The following CD1D variants were observed in gnomAD, a reference collection of about 807,000 sequenced individuals.
CD1D encodes antigen-presenting glycoprotein CD1d.
A neutral mutation model predicts 42.1 loss-of-function variants in CD1D; 40 were observed. The observed-to-expected ratio is 0.95, with a 90% CI of 0.74 to 1.24. CD1D has a LOEUF of 1.24. Among genes scored for constraint, CD1D ranks in the 50% most tolerant of loss-of-function variants. CD1D has a pLI of 0.00. For missense variants in CD1D, 437 were observed against 416.5 expected, an observed-to-expected ratio of 1.05 and a Z score of -0.43; for synonymous variants, 178 against 171.8, an observed-to-expected ratio of 1.04 and a Z score of -0.28.
In CD1D at chr1:158,181,507, T is replaced by C; in HGVS notation, c.114T>C (p.Asn38=). 1.2e-6 allele frequency: 2 copies of C among 1,614,066 alleles called. No homozygotes were observed. The highest frequency in any genetic ancestry group is 1.3e-5 in the African/African-American group (1 of 75,014). ...GCCTCCAGATCTCGTCCTTCGCCAA[T>C]AGCAGCTGGACGCGCACCGACGGCT... is the stretch of plus-strand genomic sequence containing the variant. ...LRCLQISSFA[N]SSWTRTDGLA... is the part of the protein sequence containing the mutation. The change falls in exon 2 of 6, where the codon AAT becomes AAC. Residue 38 remains asparagine (N), a synonymous_variant. Transcript: ENST00000674085.
Position 158,181,352 on chromosome 1 carries a change from C to CG in CD1D, c.62-102dup. Reference sequence around the variant, plus strand: ...CGGCACAGAGTTCGCTGGCATCAGCCGCCTCCTGAAGCTCATCTCCTCTTG... The same window carrying CG: ...CGGCACAGAGTTCGCTGGCATCAGCCGGCCTCCTGAAGCTCATCTCCTCTTG... On this transcript the variant is annotated intron_variant, in intron 1 of 5. Coordinates refer to ENST00000674085, the MANE Select transcript of CD1D (RefSeq NM_001371762.2). The CG allele has an allele frequency of 3.3e-6, 5 of 1,511,108 alleles. No homozygotes were observed. The South Asian group carries it at 6.2e-5, about 19-fold the overall frequency. 93.6% of individuals were successfully genotyped at this position (1,511,108 alleles called of 1,614,324 possible).
intron 4 of CD1D, 94 bp from the exon 5 acceptor site, chr1:158,183,842 C>T: frequency 1.1e-6 from 1 of 909,142 alleles, no homozygotes; most frequent in Non-Finnish European, 1.8e-6. Flanking sequence ...AAATAAGAAG[C>T]ACCTGGTACC....
Position 158,184,852 on chromosome 1 carries a change from C to T in CD1D, c.*702C>T, listed in dbSNP as rs961736364. Reference sequence around the variant, plus strand: ...GTTAGGTTATAAGAAACAGAGGCGTCTCACATTTTTACTTGGTGTAATTAA... The same window carrying T: ...GTTAGGTTATAAGAAACAGAGGCGTTTCACATTTTTACTTGGTGTAATTAA... On this transcript the variant is annotated 3_prime_UTR_variant, in exon 6 of 6. Coordinates refer to ENST00000674085, the MANE Select transcript of CD1D (RefSeq NM_001371762.2). 7.2e-5 allele frequency: 11 copies of T among 152,152 alleles called. No homozygotes were observed. The highest frequency in any genetic ancestry group is 2.4e-4 in the African/African-American group (10 of 41,422). 9.4% of individuals were successfully genotyped at this position (152,152 alleles called of 1,614,324 possible).
In CD1D at chr1:158,184,229, C is replaced by A; in HGVS notation, c.*79C>A. On this transcript the variant is annotated 3_prime_UTR_variant, in exon 6 of 6. Transcript: ENST00000674085. ...CCTAAGACTTCAGTCCTGGTCTGCTCAGGAATTGAAGATGTAAGGAATTGA... is the reference window on the plus strand; with the variant it reads ...CCTAAGACTTCAGTCCTGGTCTGCTAAGGAATTGAAGATGTAAGGAATTGA... 1 of 1,429,676 alleles carries A rather than the reference C, an allele frequency of 7.0e-7. No individual in the cohort carries two copies. Among genetic ancestry groups the A allele is most frequent in the Non-Finnish European group, 9.8e-7 (1 of 1,018,400 alleles). 88.6% of individuals were successfully genotyped at this position (1,429,676 alleles called of 1,614,324 possible).
At chr1:158,180,792 G>A, upstream of CD1D, 1 of 354,620 alleles carries the variant, frequency 2.8e-6, no homozygotes, top group East Asian at 4.3e-5. Flanking sequence ...CGTCCCACAC[G>A]TTGACCCAAA....
In CD1D at chr1:158,181,095, G is replaced by A. The variant is rs1158321507; in HGVS notation, c.-7G>A. 6.5e-7 allele frequency: 1 copy of A among 1,545,342 alleles called. No individual in the cohort carries two copies. Among genetic ancestry groups the A allele is most frequent in the Non-Finnish European group, 8.7e-7 (1 of 1,144,590 alleles). The stretch of plus-strand genomic sequence containing the variant: ...CGGCGCTCCGCGAGGTCCCCACGCC[G>A]GGCGATATGGGGTGCCTGCTGTTTC... On this transcript the variant is annotated 5_prime_UTR_variant, in exon 1 of 6. Coordinates refer to ENST00000674085, the MANE Select transcript of CD1D (RefSeq NM_001371762.2).
chr1:158,182,767 C>T (rs1648504964), intron 3 of CD1D, 111 bp from the exon 4 acceptor site: 2 of 1,264,322 alleles, frequency 1.6e-6, no homozygotes, highest in Non-Finnish European at 1.1e-6. Flanking sequence ...CAGGGGCATA[C>T]AGGAAGGAGG....
Position 158,182,168 on chromosome 1 carries a change from C to T in CD1D, c.465C>T (p.Ala155=). ...CTTCTTGGGAGCCAACCCAAGAGGC[C>T]CCACTTTGGGTAAACTTGGCCATTC... ...QGTSWEPTQE[A]PLWVNLAIQV... Residue 155 remains alanine (A), a synonymous_variant, in exon 3 of 6, where the codon GCC becomes GCT. Transcript: ENST00000674085. 1.2e-6 allele frequency: 2 copies of T among 1,614,086 alleles called. No individual in the cohort carries two copies. Among genetic ancestry groups the T allele is most frequent in the Non-Finnish European group, 1.7e-6 (2 of 1,180,004 alleles).
chr1:158,178,793 T>A (rs1648263180), upstream of CD1D, among the ~76,000 whole-genome samples: 1 of 152,162 alleles, frequency 6.6e-6, no homozygotes, highest in Non-Finnish European at 1.5e-5. Flanking sequence ...GTATTCTGAG[T>A]CAGTCTTGTT....
At chr1:158,182,401 AG>A (rs761644719) in intron 3 of CD1D, 91 bp downstream of exon 3, 2 of 1,449,480 alleles carry the variant, frequency 1.4e-6, no homozygotes, top group Admixed American at 3.4e-5. Flanking sequence ...GAGCATTCAA[AG>A]AAGAGGAAGG....
intron 3 of CD1D, 56 bp from the exon 4 acceptor site, chr1:158,182,822 G>A: frequency 3.3e-6 from 5 of 1,532,916 alleles, no homozygotes; most frequent in Admixed American, 4.0e-5. Flanking sequence ...GAGGCCTGGA[G>A]CCTCTAATGC....
At chr1:158,182,491 A>G (rs1395948849) in intron 3 of CD1D, 181 bp downstream of exon 3, 1 of 673,426 alleles carries the variant, frequency 1.5e-6, no homozygotes, top group African/African-American at 1.8e-5. Context: ...GGTTCTATGA[A>G]TTCAATTAAT....
At position 158,181,118 on chromosome 1, in the gene CD1D, T is replaced by G; in HGVS notation, c.17T>G (p.Phe6Cys). The change falls in exon 1 of 6, where the codon TTT (phenylalanine) becomes TGT (cysteine). Residue 6 changes from phenylalanine to cysteine, a missense_variant. Phe to Cys is a radical substitution (Grantham distance 205). Transcript: ENST00000674085. The stretch of plus-strand genomic sequence containing the variant: ...CCGGGCGATATGGGGTGCCTGCTGT[T>G]TCTGCTGCTCTGGGCGCTCCTCCAG... MGCLL[F>C]LLLWALLQAW... 1 of 1,548,298 alleles carries G rather than the reference T, an allele frequency of 6.5e-7. No homozygotes were observed. The highest frequency in any genetic ancestry group is 8.7e-7 in the Non-Finnish European group (1 of 1,146,090).
At chr1:158,180,661 C>T (rs1648348401), upstream of CD1D, among the ~76,000 whole-genome samples, 1 of 152,232 alleles carries the variant, frequency 6.6e-6, no homozygotes, top group Non-Finnish European at 1.5e-5. Context: ...CACCTAGAGA[C>T]ATGTACTGCT....
upstream of CD1D, chr1:158,180,823 T>C (rs1648354931): frequency 2.6e-6 from 1 of 386,022 alleles, no homozygotes; most frequent in South Asian, 1.1e-4. Context: ...AAACAGGAAA[T>C]TGAGACACGC....
Position 158,184,376 on chromosome 1 carries a change from G to T in CD1D, c.*226G>T. ...CAAAAATTACACTACAAGTTTATAA[G>T]CCCAAATGGCTCTGTGAAATCAGAA... On this transcript the variant is annotated 3_prime_UTR_variant, in exon 6 of 6. Transcript: ENST00000674085. 1 of 587,024 alleles carries T rather than the reference G, an allele frequency of 1.7e-6. No homozygotes were observed. Among genetic ancestry groups the T allele is most frequent in the South Asian group, 2.1e-5 (1 of 48,066 alleles). 36.4% of individuals were successfully genotyped at this position (587,024 alleles called of 1,614,324 possible).
In CD1D at chr1:158,184,282, G is replaced by C. The variant is rs552893440; in HGVS notation, c.*132G>C. The stretch of plus-strand genomic sequence containing the variant: ...ATAGGAGAGATACCTTGAAAAAGTA[G>C]AGAACAGTCATGAGGCAGCTTTCAT... On this transcript the variant is annotated 3_prime_UTR_variant, in exon 6 of 6. Coordinates refer to ENST00000674085, the MANE Select transcript of CD1D (RefSeq NM_001371762.2). 5.7e-6 allele frequency: 5 copies of C among 877,078 alleles called. No homozygotes were observed. The South Asian group carries it at 7.6e-5, about 13-fold the overall frequency. The allele number at this position is 877,078 out of a possible 1,614,324, so 54.3% of individuals were successfully genotyped here.
At chr1:158,183,284 A>G in intron 4 of CD1D, 128 bp downstream of exon 4, 1 of 1,154,700 alleles carries the variant, frequency 8.7e-7, no homozygotes, top group Non-Finnish European at 1.2e-6. Context: ...GCCCCCAGTA[A>G]AAGGATAGAG....
intron 2 of CD1D, 42 bp from the exon 3 acceptor site, chr1:158,181,990 C>T: frequency 6.5e-7 from 1 of 1,549,462 alleles, no homozygotes; most frequent in Non-Finnish European, 8.7e-7. Context: ...CTCTCCCAGT[C>T]TTTTAAACCC....
Sources: allele counts gnomAD v4.1 joint callset (sites outside exome capture counted in the v4.1 genomes callset), GRCh38; gene constraint gnomAD v4.1.1; transcripts MANE v1.5; gene names NCBI Gene and HGNC (gene_info 2026-07-23, HGNC 2026-07-21).